Variants in PAFAH1B2 observed in about 807,000 individuals in gnomAD.
PAFAH1B2 encodes platelet activating factor acetylhydrolase 1b catalytic subunit 2, also known as platelet-activating factor acetylhydrolase IB subunit alpha2.
A neutral mutation model predicts 28.0 loss-of-function variants in PAFAH1B2; 8 were observed. The observed-to-expected ratio is 0.29, with a 90% CI of 0.17 to 0.52. The LOEUF is 0.52. PAFAH1B2 is among the 20% of genes least tolerant of loss of function. PAFAH1B2 has a pLI of 0.97. For missense variants in PAFAH1B2, 190 were observed against 282.6 expected, an observed-to-expected ratio of 0.67 and a Z score of 2.35; for synonymous variants, 104 against 103.2, an observed-to-expected ratio of 1.01 and a Z score of -0.05.
At chr11:117,161,313 A>G in intron 4 of PAFAH1B2, 52 bp downstream of exon 4, 1 of 1,156,676 alleles carries the variant, frequency 8.6e-7, no homozygotes, top group Non-Finnish European at 1.2e-6. Flanking sequence ...TGTTTTGGAT[A>G]GTTAAATTGT....
chr11:117,165,696 A>AGG (rs986106188), intron 5 of PAFAH1B2, among the ~76,000 whole-genome samples: 1 of 152,200 alleles, frequency 6.6e-6, no homozygotes, highest in South Asian at 2.1e-4. Context: ...TAGGGAAAGA[A>AGG]GGAAGGTATT....
chr11:117,167,319 A>G (rs1183185110), intron 5 of PAFAH1B2, 102 bp from the exon 6 acceptor site: 1 of 1,201,736 alleles, frequency 8.3e-7, no homozygotes, highest in East Asian at 2.6e-5. Context: ...AAAGGTGTAG[A>G]AAGTGCCAAA....
intron 3 of PAFAH1B2, 41 bp from the exon 4 acceptor site, chr11:117,161,104 C>T (rs1362435606): frequency 2.4e-6 from 3 of 1,269,756 alleles, no homozygotes; most frequent in South Asian, 1.3e-5. Flanking sequence ...TAAACTTTCC[C>T]CTAGTTTTAG....
chr11:117,156,984 T>C (rs979712919), intron 2 of PAFAH1B2, among the ~76,000 whole-genome samples: 4 of 149,786 alleles, frequency 2.7e-5, no homozygotes, highest in Non-Finnish European at 5.9e-5. Flanking sequence ...TAGCTGCCAC[T>C]GTACTCCAGT....
chr11:117,174,998 T>A (rs534164884), downstream of PAFAH1B2: 25 of 1,452,958 alleles, frequency 1.7e-5, no homozygotes, highest in South Asian at 3.4e-4. Flanking sequence ...AAATCCCCTG[T>A]GACTTAAAAT....
At chr11:117,154,796 A>G (rs991651194) in intron 2 of PAFAH1B2, among the ~76,000 whole-genome samples, 1 of 152,242 alleles carries the variant, frequency 6.6e-6, no homozygotes. Context: ...GGAATGATAT[A>G]TCCTCAGTTT....
chr11:117,169,499 T>C lies in PAFAH1B2; in HGVS notation c.*1800T>C, dbSNP rs1956597923. On this transcript the variant is annotated 3_prime_UTR_variant, in exon 6 of 6. Coordinates refer to ENST00000527958, the MANE Select transcript of PAFAH1B2 (RefSeq NM_002572.4). ...GTGCTTTTGTATGTTGGAGGAGGGC[T>C]TACTGATGCGTGCTAAGACCGATTT... 24 of 1,055,190 alleles carry C rather than the reference T, an allele frequency of 2.3e-5. No homozygotes were observed. Among genetic ancestry groups the C allele is most frequent in the Non-Finnish European group, 2.7e-5 (24 of 872,924 alleles). The allele number at this position is 1,055,190 out of a possible 1,614,324, so 65.4% of individuals were successfully genotyped here.
chr11:117,148,044 T>C (rs1956054934), intron 1 of PAFAH1B2, among the ~76,000 whole-genome samples: 1 of 147,002 alleles, frequency 6.8e-6, no homozygotes, highest in Non-Finnish European at 1.5e-5. Context: ...TTATCTTTTT[T>C]CTTTTTTTTT....
intron 2 of PAFAH1B2, 100 bp from the exon 3 acceptor site, chr11:117,159,834 T>A (rs1956333107): frequency 5.1e-6 from 4 of 783,194 alleles, no homozygotes; most frequent in Non-Finnish European, 8.9e-6. Context: ...CAAGTTATTC[T>A]CCTGTCCTGG....
At chr11:117,162,390 C>T (rs749970349) in intron 4 of PAFAH1B2, among the ~76,000 whole-genome samples, 25 of 151,756 alleles carry the variant, frequency 1.6e-4, no homozygotes, top group Non-Finnish European at 2.9e-4. Context: ...ATGATCCTCC[C>T]GCCCCGGCCT....
At chr11:117,162,459 T>TG (rs1339001137) in intron 4 of PAFAH1B2, among the ~76,000 whole-genome samples, 1 of 151,514 alleles carries the variant, frequency 6.6e-6, no homozygotes, top group African/African-American at 2.4e-5. Context: ...TTTTTTTTTT[T>TG]TTCTCTAAAG....
At chr11:117,164,442 G>C (rs1591749868) in intron 5 of PAFAH1B2, among the ~76,000 whole-genome samples, 1 of 151,546 alleles carries the variant, frequency 6.6e-6, no homozygotes, top group Non-Finnish European at 1.5e-5. Flanking sequence ...TGGTGCCTCA[G>C]TACTCCTTTT....
chr11:117,155,369 G>A (rs888468298), intron 2 of PAFAH1B2, among the ~76,000 whole-genome samples: 12 of 152,154 alleles, frequency 7.9e-5, no homozygotes, highest in African/African-American at 2.4e-4. Flanking sequence ...GAAAATAAAC[G>A]CAGTAAATAT....
At chr11:117,165,958 A>C (rs1436701489) in intron 5 of PAFAH1B2, among the ~76,000 whole-genome samples, 1 of 151,954 alleles carries the variant, frequency 6.6e-6, no homozygotes, top group South Asian at 2.1e-4. Flanking sequence ...TTCTGCCTCA[A>C]ATCCCAAGTA....
downstream of PAFAH1B2, chr11:117,175,203 CG>C: frequency 9.0e-7 from 1 of 1,107,538 alleles, no homozygotes; most frequent in Non-Finnish European, 1.1e-6. Flanking sequence ...CCAGGGAATG[CG>C]GTAGCTGGAC....
intron 1 of PAFAH1B2, among the ~76,000 whole-genome samples, chr11:117,149,437 T>TTTTTTTTTTTTTTTTG (rs1956094566): frequency 8.3e-6 from 1 of 120,570 alleles, no homozygotes; most frequent in Non-Finnish European, 1.8e-5. Flanking sequence ...ATCGTTTTTT[T>TTTTTTTTTTTTTTTTG]TTTTTTTGAG....
At chr11:117,145,459 TGTGGAGAAAGTGG>T (rs1191063904) in intron 1 of PAFAH1B2, among the ~76,000 whole-genome samples, 1 of 151,316 alleles carries the variant, frequency 6.6e-6, no homozygotes, top group Admixed American at 6.6e-5. Context: ...GGGGTAAAGG[TGTGGAGAAAGTGG>T]AAGGAGAAAG....
intron 4 of PAFAH1B2, among the ~76,000 whole-genome samples, chr11:117,162,577 C>T (rs1385295823): frequency 6.7e-6 from 1 of 148,874 alleles, no homozygotes; most frequent in South Asian, 2.1e-4. Flanking sequence ...CCACCCTGGC[C>T]AGCATGGTGA....
intron 1 of PAFAH1B2, among the ~76,000 whole-genome samples, chr11:117,147,098 G>A (rs563354046): frequency 3.3e-5 from 5 of 152,038 alleles, no homozygotes; most frequent in Admixed American, 6.6e-5. Flanking sequence ...ATGAAACCCC[G>A]TCTTCACTAA....
Sources: gnomAD v4.1 joint callset for allele counts (sites outside exome capture counted in the v4.1 genomes callset) on GRCh38, gnomAD v4.1.1 for gene constraint, MANE v1.5 for transcripts, NCBI Gene and HGNC (gene_info 2026-07-23, HGNC 2026-07-21) for gene names.